The following MPP7 variants were observed in gnomAD, a reference collection of about 807,000 sequenced individuals.
The protein encoded by MPP7 is MAGUK p55 scaffold protein 7.
Under a neutral mutation model 76.5 loss-of-function variants are expected in MPP7, and 60 were observed. That is an observed-to-expected ratio of 0.78 (90% CI 0.64 to 0.97). The LOEUF (loss-of-function observed/expected upper bound fraction) is 0.97. Ranked by LOEUF, MPP7 falls within the 50% of genes least tolerant of loss-of-function variation. The probability of loss-of-function intolerance (pLI) is 0.00; values close to 1 mark genes in which losing one functional copy is unlikely to be tolerated. For synonymous variants in MPP7, 237 were observed against 244.5 expected (o/e 0.97, Z 0.29); for missense variants, 641 against 694.0 (o/e 0.92, Z 0.86).
chr10:28,183,018 C>T (rs191052342), intron 3 of MPP7, among the ~76,000 whole-genome samples: 9 of 152,286 alleles, frequency 5.9e-5, no homozygotes, highest in East Asian at 3.9e-4. Context: ...GTGGAGGTTA[C>T]GGTGAGCCAA....
rs1203201792 is a variant in MPP7 at position 28,120,609 on chromosome 10, T to C, written c.675A>G (p.Pro225=). 10 of 1,613,650 alleles carry C rather than the reference T, an allele frequency of 6.2e-6. No homozygotes were observed. Among genetic ancestry groups the C allele is most frequent in the Middle Eastern group, 1.6e-4 (1 of 6,082 alleles). ...CAATAATTACCTTGCCTTCTTTTGA[T>C]GGTGTCTCCTCTTTGCTGCCGGGTA... ...KIIPGSKEET[P]SKEGKMFIKA... The change falls in exon 9 of 17, where the codon CCA becomes CCG. Residue 225 remains proline, a synonymous_variant. Transcript: ENST00000683449.
chr10:28,101,537 AC>A (rs1355919340), intron 11 of MPP7, among the ~76,000 whole-genome samples: 1 of 152,062 alleles, frequency 6.6e-6, no homozygotes, highest in Non-Finnish European at 1.5e-5. Flanking sequence ...TTTATGGCAA[AC>A]CCCTCTTAAC....
chr10:28,173,678 T>A (rs1409710325), intron 3 of MPP7, among the ~76,000 whole-genome samples: 3 of 152,196 alleles, frequency 2.0e-5, no homozygotes, highest in Non-Finnish European at 2.9e-5. Flanking sequence ...AAAACAAAGA[T>A]AACCCGCAAC....
intron 3 of MPP7, among the ~76,000 whole-genome samples, chr10:28,189,409 C>T (rs180802722): frequency 2.2e-4 from 33 of 149,804 alleles, no homozygotes; most frequent in Non-Finnish European, 4.2e-4. Flanking sequence ...CAAAAAAATA[C>T]AAAAAAAAAG....
intron 1 of MPP7, among the ~76,000 whole-genome samples, chr10:28,279,737 T>G (rs1404886106): frequency 6.6e-6 from 1 of 151,890 alleles, no homozygotes; most frequent in Non-Finnish European, 1.5e-5. Flanking sequence ...ATGCATTCTT[T>G]CAATATCACT....
chr10:28,241,263 C>T (rs1440406870), intron 1 of MPP7, among the ~76,000 whole-genome samples: 1 of 152,034 alleles, frequency 6.6e-6, no homozygotes, highest in Non-Finnish European at 1.5e-5. Flanking sequence ...ATGCCATATA[C>T]AAAAAGCCCT....
intron 11 of MPP7, among the ~76,000 whole-genome samples, chr10:28,106,614 T>A (rs140557979): frequency 6.6e-6 from 1 of 152,182 alleles, no homozygotes; most frequent in Non-Finnish European, 1.5e-5. Flanking sequence ...TTTTCAGATA[T>A]TCAATTCTTT....
intron 2 of MPP7, among the ~76,000 whole-genome samples, chr10:28,208,163 T>C (rs1023897934): frequency 4.6e-5 from 7 of 152,172 alleles, no homozygotes; most frequent in Non-Finnish European, 7.3e-5. Context: ...CAGGAGAACG[T>C]GTGTTTGCAG....
chr10:28,098,466 T>C (rs1382162418), intron 11 of MPP7, among the ~76,000 whole-genome samples: 1 of 151,792 alleles, frequency 6.6e-6, no homozygotes, highest in Non-Finnish European at 1.5e-5. Context: ...CTGTGGACAA[T>C]TACTTGTTCT....
intron 7 of MPP7, among the ~76,000 whole-genome samples, 181 bp from the exon 8 acceptor site, chr10:28,124,297 C>G (rs1259085133): frequency 6.6e-6 from 1 of 152,094 alleles, no homozygotes; most frequent in Non-Finnish European, 1.5e-5. Flanking sequence ...ACTCAAAAAC[C>G]ACAACATAGT....
At position 28,238,058 on chromosome 10, in the gene MPP7, T is replaced by A. The variant is rs527487015; in HGVS notation, c.37+510A>T. Among the ~76,000 whole-genome samples the A allele has an allele frequency of 3.3e-5, 5 of 152,286 alleles. No individual in the cohort carries two copies. The South Asian group carries it at 1.0e-3, about 32-fold the overall frequency. On this transcript the variant is annotated intron_variant, in intron 2 of 16. Coordinates refer to ENST00000683449, the MANE Select transcript of MPP7 (RefSeq NM_001318170.2). ...GATAATAACATAAAATATGTTTGTT[T>A]GTTAGTTTTAATTGAATCCCTTAAT...
At chr10:28,320,358 G>T (rs1350261631) in intron 2 of MPP7, among the ~76,000 whole-genome samples, 1 of 152,094 alleles carries the variant, frequency 6.6e-6, no homozygotes, top group Non-Finnish European at 1.5e-5. Context: ...AGATTGTCAG[G>T]CTGGGAAATT....
At chr10:28,150,312 T>C (rs1176861197) in intron 3 of MPP7, among the ~76,000 whole-genome samples, 1 of 152,216 alleles carries the variant, frequency 6.6e-6, no homozygotes, top group East Asian at 1.9e-4. Context: ...ACAGTCTTAA[T>C]CAAACAGAAC....
intron 1 of MPP7, among the ~76,000 whole-genome samples, chr10:28,249,856 T>G (rs1839556325): frequency 6.6e-6 from 1 of 152,192 alleles, no homozygotes; most frequent in Non-Finnish European, 1.5e-5. Context: ...TCTTCTCGCA[T>G]GGAGAAGTCT....
At chr10:28,220,634 C>G (rs564915313) in intron 2 of MPP7, among the ~76,000 whole-genome samples, 52 of 152,122 alleles carry the variant, frequency 3.4e-4, no homozygotes, top group Non-Finnish European at 6.6e-4. Flanking sequence ...GGTAAGCAAT[C>G]AACAGATCAG....
At chr10:28,278,668 T>C (rs924570068) in intron 1 of MPP7, among the ~76,000 whole-genome samples, 2 of 151,994 alleles carry the variant, frequency 1.3e-5, no homozygotes, top group Non-Finnish European at 2.9e-5. Flanking sequence ...CTTAAGGAAA[T>C]ATTCATATAT....
At chr10:28,182,309 GGTAA>G (rs1295630855) in intron 3 of MPP7, among the ~76,000 whole-genome samples, 1 of 152,070 alleles carries the variant, frequency 6.6e-6, no homozygotes, top group Non-Finnish European at 1.5e-5. Flanking sequence ...TGATCCTGTT[GGTAA>G]GTATTTTAAT....
chr10:28,314,506 C>T (rs1776114), intron 2 of MPP7, among the ~76,000 whole-genome samples: 23,948 of 152,168 alleles, frequency 0.16, 2,129 homozygotes, highest in Non-Finnish European at 0.2. Context: ...TTCTAGCTTC[C>T]GCGTATGTTC....
At chr10:28,271,323 T>G (rs574045056) in intron 1 of MPP7, among the ~76,000 whole-genome samples, 1 of 152,322 alleles carries the variant, frequency 6.6e-6, no homozygotes, top group Admixed American at 6.5e-5. Flanking sequence ...GGATTTATAA[T>G]ACTATCACAG....
Sources: allele counts gnomAD v4.1 joint callset (sites outside exome capture counted in the v4.1 genomes callset), GRCh38; gene constraint gnomAD v4.1.1; transcripts MANE v1.5; gene names NCBI Gene and HGNC (gene_info 2026-07-23, HGNC 2026-07-21).